The following EPHA8 variants were observed in gnomAD, a reference collection of about 807,000 sequenced individuals.
EPHA8 encodes ephrin type-A receptor 8.
In EPHA8, 58 loss-of-function variants were observed where a neutral mutation model predicts 103.6. The observed-to-expected ratio is 0.56, with a 90% CI of 0.45 to 0.70. The LOEUF (loss-of-function observed/expected upper bound fraction) is 0.70. Ranked by LOEUF, EPHA8 falls within the 30% of genes least tolerant of loss-of-function variation. The pLI, the probability that EPHA8 is intolerant of heterozygous loss-of-function variation, is 0.00. For missense variants in EPHA8, 1,304 were observed against 1,395.2 expected, an observed-to-expected ratio of 0.93 and a Z score of 1.04; for synonymous variants, 559 against 572.5, an observed-to-expected ratio of 0.98 and a Z score of 0.34.
chr1:22,579,282 T>G (rs1383674228), intron 3 of EPHA8, among the ~76,000 whole-genome samples: 1 of 151,908 alleles, frequency 6.6e-6, no homozygotes, highest in East Asian at 1.9e-4. Context: ...AGAGTGTATA[T>G]ATGCATGTGT....
chr1:22,571,066 G>T (rs1303602588), intron 2 of EPHA8, among the ~76,000 whole-genome samples: 1 of 152,184 alleles, frequency 6.6e-6, no homozygotes, highest in Non-Finnish European at 1.5e-5. Flanking sequence ...TGGCTCCGGG[G>T]TGTCTTTATC....
chr1:22,566,675 C>T (rs944218048), intron 1 of EPHA8, among the ~76,000 whole-genome samples: 1 of 152,164 alleles, frequency 6.6e-6, no homozygotes, highest in African/African-American at 2.4e-5. Flanking sequence ...GCTTCACAGT[C>T]CGGCAGCGCA....
In EPHA8 at chr1:22,601,434, G is replaced by A; in HGVS notation, c.2864G>A (p.Gly955Glu). ...TACCGAGACCACTTCGCTGCGGGCG[G>A]ATACTCCTCTCTGGGCATGGTGCTA... ...GRYRDHFAAG[G>E]YSSLGMVLRM... Residue 955 changes from glycine (G) to glutamate (E), a missense_variant, in exon 16 of 17, where the codon GGA becomes GAA. By Grantham distance (98) the Gly-to-Glu change is moderately conservative. Transcript: ENST00000166244. 2 of 1,610,758 alleles carry A rather than the reference G, an allele frequency of 1.2e-6. No homozygotes were observed. The highest frequency in any genetic ancestry group is 1.7e-6 in the Non-Finnish European group (2 of 1,179,826).
chr1:22,599,660 G>GA (rs1167228047), intron 13 of EPHA8, among the ~76,000 whole-genome samples: 3 of 45,464 alleles, frequency 6.6e-5, no homozygotes, highest in African/African-American at 1.6e-4. Context: ...GGAAGGAAAG[G>GA]AGGGAGGGAG....
intron 15 of EPHA8, 93 bp from the exon 16 acceptor site, chr1:22,601,207 C>T: frequency 6.5e-7 from 1 of 1,533,836 alleles, no homozygotes; most frequent in Admixed American, 2.1e-5. Flanking sequence ...GCCCCCGGCC[C>T]CTGCCCTGCC....
At chr1:22,585,949 A>G (rs1429383027) in intron 3 of EPHA8, among the ~76,000 whole-genome samples, 1 of 152,048 alleles carries the variant, frequency 6.6e-6, no homozygotes, top group African/African-American at 2.4e-5. Context: ...TTTGGGAGCA[A>G]TGGGTCTTAC....
intron 3 of EPHA8, among the ~76,000 whole-genome samples, chr1:22,577,772 G>A (rs1640753287): frequency 6.6e-6 from 1 of 151,488 alleles, no homozygotes; most frequent in South Asian, 2.1e-4. Flanking sequence ...GTGCATGAGT[G>A]TGTGTGTGCA....
At chr1:22,579,154 AGT>A (rs1224380971) in intron 3 of EPHA8, among the ~76,000 whole-genome samples, 15 of 122,632 alleles carry the variant, frequency 1.2e-4, no homozygotes, top group South Asian at 2.6e-4. Flanking sequence ...TATGTGCAAG[AGT>A]GTATGTATGC....
intron 5 of EPHA8, among the ~76,000 whole-genome samples, chr1:22,590,187 A>G (rs1285596348): frequency 6.6e-6 from 1 of 151,980 alleles, no homozygotes; most frequent in Non-Finnish European, 1.5e-5. Flanking sequence ...AGAGAGAGTG[A>G]GCTATGTGCC....
At position 22,597,690 on chromosome 1, in the gene EPHA8, G is replaced by T. The variant is rs199682979; in HGVS notation, c.1945G>T (p.Val649Phe). ...KIIGSGDSGE[V>F]CYGRLRVPGQ... Reference sequence around the variant, plus strand: ...GGGGCCTGCAGGAGACTCCGGGGAAGTCTGCTACGGGAGGCTGCGGGTGCC... The same window carrying T: ...GGGGCCTGCAGGAGACTCCGGGGAATTCTGCTACGGGAGGCTGCGGGTGCC... The change falls in exon 11 of 17, where the codon GTC (valine) becomes TTC (phenylalanine). Residue 649 changes from valine to phenylalanine, a missense_variant. Val to Phe is a conservative substitution (Grantham distance 50). Coordinates refer to ENST00000166244, the MANE Select transcript of EPHA8 (RefSeq NM_020526.5). This position sits in a 1 kb window ranked among gnomAD's most constrained non-coding sequence, Gnocchi z 4.6. 4 of 1,610,002 alleles carry T rather than the reference G, an allele frequency of 2.5e-6. No individual in the cohort carries two copies. Among genetic ancestry groups the T allele is most frequent in the Non-Finnish European group, 2.5e-6 (3 of 1,178,254 alleles).
chr1:22,600,710 G>C lies in EPHA8; in HGVS notation c.2438G>C (p.Arg813Pro). 6.2e-7 allele frequency: 1 copy of C among 1,613,624 alleles called. No homozygotes were observed. The highest frequency in any genetic ancestry group is 8.5e-7 in the Non-Finnish European group (1 of 1,179,832). The change falls in exon 14 of 17, where the codon CGC (arginine) becomes CCC (proline). Residue 813 changes from arginine (R) to proline (P), a missense_variant. Arg to Pro is a moderately radical substitution (Grantham distance 103). Coordinates refer to ENST00000166244, the MANE Select transcript of EPHA8 (RefSeq NM_020526.5). The stretch of plus-strand genomic sequence containing the variant: ...ACGGCCCCAGAGGCCATCGCCTTCC[G>C]CACCTTCTCCTCGGCCAGCGACGTG... ...RWTAPEAIAF[R>P]TFSSASDVWS...
chr1:22,574,521 TAAA>T (rs1640631069), intron 2 of EPHA8, among the ~76,000 whole-genome samples: 1 of 152,252 alleles, frequency 6.6e-6, no homozygotes, highest in South Asian at 2.1e-4. Flanking sequence ...TCTGTCTCTC[TAAA>T]TCTGACTATC....
At chr1:22,600,620 C>G (rs746238790) in intron 13 of EPHA8, 41 bp from the exon 14 acceptor site, 5 of 1,606,228 alleles carry the variant, frequency 3.1e-6, no homozygotes, top group South Asian at 1.1e-5. Context: ...GACACCCTGC[C>G]AGGCCTGGGC....
chr1:22,574,741 T>A (rs1640636444), intron 2 of EPHA8, among the ~76,000 whole-genome samples: 1 of 152,220 alleles, frequency 6.6e-6, no homozygotes, highest in African/African-American at 2.4e-5. Context: ...ATAATGCTGC[T>A]ATGAATAGGG....
intron 2 of EPHA8, among the ~76,000 whole-genome samples, chr1:22,571,199 A>C (rs1222759616): frequency 6.6e-6 from 1 of 152,198 alleles, no homozygotes; most frequent in African/African-American, 2.4e-5. Context: ...GTGGGTTTTC[A>C]TGCGGGGCGC....
At chr1:22,565,859 G>T (rs975907692) in intron 1 of EPHA8, among the ~76,000 whole-genome samples, 10 of 152,198 alleles carry the variant, frequency 6.6e-5, no homozygotes, top group Non-Finnish European at 1.5e-4. Flanking sequence ...ATGCAGCAGG[G>T]TACCCACAGC....
In EPHA8 at chr1:22,597,630, G is replaced by A; in HGVS notation, c.1931-46G>A. On this transcript the variant is annotated intron_variant, in intron 10 of 16. Coordinates refer to ENST00000166244, the MANE Select transcript of EPHA8 (RefSeq NM_020526.5). The surrounding 1 kb of genome is among the most constrained non-coding windows in gnomAD (Gnocchi z 4.6). ...GCCTGGGAGGCTGGGGGAGTCTGAG[G>A]GTCCCACTGCCCTCCCTCCACACCT... 6.4e-7 allele frequency: 1 copy of A among 1,561,414 alleles called. No individual in the cohort carries two copies. The highest frequency in any genetic ancestry group is 8.7e-7 in the Non-Finnish European group (1 of 1,152,872).
intron 2 of EPHA8, among the ~76,000 whole-genome samples, chr1:22,572,002 G>A (rs1640555644): frequency 6.6e-6 from 1 of 152,134 alleles, no homozygotes; most frequent in African/African-American, 2.4e-5. Flanking sequence ...CTCCAGCCTG[G>A]GTAATGGAGA....
chr1:22,597,350 G>C lies in EPHA8; in HGVS notation c.1804G>C (p.Gly602Arg). 3 of 1,611,500 alleles carry C rather than the reference G, an allele frequency of 1.9e-6. No homozygotes were observed. The South Asian group carries it at 3.3e-5, about 18-fold the overall frequency. ...CTTCCTGCCTCTGCATCACCCCCCG[G>C]GAAAGCTCCCAGAGCCCCAGTTCTA... Reference protein sequence around the residue: ...PVFLPLHHPPGKLPEPQFYAE... With the variant: ...PVFLPLHHPPRKLPEPQFYAE... Residue 602 changes from glycine (G) to arginine (R), a missense_variant, in exon 10 of 17, where the codon GGA becomes CGA. Coordinates refer to ENST00000166244, the MANE Select transcript of EPHA8 (RefSeq NM_020526.5). This position sits in a 1 kb window ranked among gnomAD's most constrained non-coding sequence, Gnocchi z 4.6.
Sources: gnomAD v4.1 joint callset for allele counts (sites outside exome capture counted in the v4.1 genomes callset) on GRCh38, gnomAD v4.1.1 for gene constraint, Gnocchi (gnomAD v3.1) non-coding constraint, MANE v1.5 for transcripts, NCBI Gene and HGNC (gene_info 2026-07-23, HGNC 2026-07-21) for gene names.